CLTC: variants seen among roughly 807,000 people sequenced by gnomAD.
CLTC encodes the protein clathrin heavy chain.
CLTC carries 16 observed loss-of-function variants against 195.8 expected under a neutral mutation model. The ratio of observed to expected loss-of-function variants is 0.08; its 90% CI spans 0.06 to 0.12. The LOEUF (loss-of-function observed/expected upper bound fraction) is 0.12, where lower values mean the gene tolerates loss of function less well. Ranked by LOEUF, CLTC falls within the 10% of genes least tolerant of loss-of-function variation. The pLI is 1.00. For synonymous variants in CLTC, 667 were observed against 689.4 expected (o/e 0.97, Z 0.51); for missense variants, 796 against 2,027.0 (o/e 0.39, Z 11.66).
chr17:59,646,614 A>T (rs1357288562), intron 2 of CLTC, among the ~76,000 whole-genome samples: 1 of 152,176 alleles, frequency 6.6e-6, no homozygotes, highest in East Asian at 1.9e-4. Context: ...ATACCAAATC[A>T]CATTTTGAAC....
chr17:59,679,335 TAAAATGCTATA>T, intron 17 of CLTC, 51 bp from the exon 18 acceptor site: 1 of 1,389,526 alleles, frequency 7.2e-7, no homozygotes, highest in Non-Finnish European at 9.9e-7. Context: ...AAATACCCTC[TAAAATGCTATA>T]AAAAGTCCTT....
intron 1 of CLTC, among the ~76,000 whole-genome samples, chr17:59,628,581 G>C (rs1430925508): frequency 1.3e-5 from 2 of 152,174 alleles, no homozygotes; most frequent in African/African-American, 4.8e-5. Context: ...GATTTCTGGA[G>C]TTCCTCAGTG....
In CLTC at chr17:59,668,763, C is replaced by T. The variant is rs2143561037; in HGVS notation, c.2129-14C>T. On this transcript the variant is annotated splice_polypyrimidine_tract_variant and intron_variant, in intron 13 of 31. Coordinates refer to ENST00000269122, the MANE Select transcript of CLTC (RefSeq NM_004859.4). The stretch of plus-strand genomic sequence containing the variant: ...GTGTGCCTATGCTTAATTGTAATTA[C>T]TTGTTTCTTTAAGGTCTCTTTTATT... The T allele has an allele frequency of 6.3e-7, 1 of 1,578,134 alleles. No individual in the cohort carries two copies. The highest frequency in any genetic ancestry group is 1.4e-5 in the African/African-American group (1 of 72,654).
Position 59,644,258 on chromosome 17 carries a change from T to A in CLTC, c.43-18T>A. 6.2e-7 allele frequency: 1 copy of A among 1,606,954 alleles called. No homozygotes were observed. Among genetic ancestry groups the A allele is most frequent in the Non-Finnish European group, 8.5e-7 (1 of 1,175,754 alleles). On this transcript the variant is annotated intron_variant, in intron 1 of 31. Transcript: ENST00000269122. ...TTGGAATCCACTTGGTAACATGGTTTCTTATTATTTTTTCTAGCTCCAGAA... is the reference window on the plus strand; with the variant it reads ...TTGGAATCCACTTGGTAACATGGTTACTTATTATTTTTTCTAGCTCCAGAA...
intron 14 of CLTC, among the ~76,000 whole-genome samples, chr17:59,671,873 C>G (rs2032855393): frequency 6.6e-6 from 1 of 152,048 alleles, no homozygotes; most frequent in Non-Finnish European, 1.5e-5. Context: ...TCTCAGGTTG[C>G]CTTGTGTAAA....
chr17:59,630,574 C>G (rs544213132), intron 1 of CLTC, among the ~76,000 whole-genome samples: 1 of 152,296 alleles, frequency 6.6e-6, no homozygotes, highest in East Asian at 1.9e-4. Flanking sequence ...AGTCCCTCTC[C>G]CATCCCCCTC....
At chr17:59,673,548 A>T in intron 14 of CLTC, 99 bp from the exon 15 acceptor site, 1 of 826,352 alleles carries the variant, frequency 1.2e-6, no homozygotes, top group Non-Finnish European at 1.9e-6. Context: ...TGTTTGTGTG[A>T]GCCTCTCTTG....
At chr17:59,674,883 A>G in intron 16 of CLTC, 40 bp downstream of exon 16, 2 of 1,581,024 alleles carry the variant, frequency 1.3e-6, no homozygotes, top group Non-Finnish European at 1.7e-6. Context: ...ACTCTTTCTT[A>G]ACATGGCAAT....
chr17:59,660,582 A>C lies in CLTC; in HGVS notation c.1161A>C (p.Ala387=), dbSNP rs1447561368. Residue 387 remains alanine (A), a synonymous_variant, in exon 7 of 32, where the codon GCA becomes GCC. Transcript: ENST00000269122. The part of the protein sequence containing the change: ...YSEAAKVAAN[A]PKGILRTPDT... ...AGGCAGCAAAGGTGGCTGCTAATGC[A>C]CCAAAGGTAAAGAGTTATGAAAATG... 2 of 1,613,954 alleles carry C rather than the reference A, an allele frequency of 1.2e-6. No individual in the cohort carries two copies. The highest frequency in any genetic ancestry group is 1.7e-6 in the Non-Finnish European group (2 of 1,179,806).
At chr17:59,641,624 A>AAG (rs1567937804) in intron 1 of CLTC, among the ~76,000 whole-genome samples, 2 of 151,262 alleles carry the variant, frequency 1.3e-5, no homozygotes, top group African/African-American at 4.9e-5. Context: ...AAAAAAAAAA[A>AAG]AAAGAGTTTG....
At chr17:59,633,946 T>C (rs2031793835) in intron 1 of CLTC, among the ~76,000 whole-genome samples, 1 of 152,216 alleles carries the variant, frequency 6.6e-6, no homozygotes, top group Non-Finnish European at 1.5e-5. Flanking sequence ...TCTTGCTCTG[T>C]CACCCAGGCT....
intron 31 of CLTC, among the ~76,000 whole-genome samples, chr17:59,693,235 C>T (rs552586728): frequency 6.6e-5 from 10 of 152,008 alleles, no homozygotes; most frequent in African/African-American, 1.4e-4. Context: ...GACATGGTGG[C>T]GCACACCCAT....
At position 59,681,419 on chromosome 17, in the gene CLTC, C is replaced by T; in HGVS notation, c.3190C>T (p.Leu1064=). 6.2e-7 allele frequency: 1 copy of T among 1,614,048 alleles called. No individual in the cohort carries two copies. The highest frequency in any genetic ancestry group is 1.3e-5 in the African/African-American group (1 of 75,018). The change falls in exon 20 of 32, where the codon CTG becomes TTG. Residue 1064 remains leucine, a synonymous_variant. Coordinates refer to ENST00000269122, the MANE Select transcript of CLTC (RefSeq NM_004859.4). The surrounding 1 kb of genome is among the most constrained non-coding windows in gnomAD (Gnocchi z 5.0). ...TGCCAATATCGCCATCAGCAATGAG[C>T]TGTTTGAAGAAGCATTTGCCATTTT... ...DIANIAISNE[L]FEEAFAIFRK...
At chr17:59,623,960 G>A (rs1054210780) in intron 1 of CLTC, among the ~76,000 whole-genome samples, 1 of 152,176 alleles carries the variant, frequency 6.6e-6, no homozygotes, top group Non-Finnish European at 1.5e-5. Context: ...TAAGTTTGAA[G>A]ATTTATCTCA....
intron 5 of CLTC, among the ~76,000 whole-genome samples, chr17:59,654,122 C>T (rs891591405): frequency 2.0e-5 from 3 of 152,138 alleles, no homozygotes; most frequent in African/African-American, 7.2e-5. Flanking sequence ...GCCTCAGCCT[C>T]CTCTGTGGCT....
intron 1 of CLTC, among the ~76,000 whole-genome samples, chr17:59,642,461 T>TATA (rs2032066142): frequency 6.6e-6 from 1 of 152,162 alleles, no homozygotes; most frequent in Admixed American, 6.5e-5. Flanking sequence ...TGCTTTTAGG[T>TATA]ATATAGCTCT....
chr17:59,676,916 C>A, intron 16 of CLTC, 38 bp from the exon 17 acceptor site: 1 of 1,394,658 alleles, frequency 7.2e-7, no homozygotes, highest in Non-Finnish European at 1.0e-6. Context: ...ATTTATAATA[C>A]AGTATGTGTG....
chr17:59,638,056 T>C (rs573219274), intron 1 of CLTC, among the ~76,000 whole-genome samples: 3 of 150,480 alleles, frequency 2.0e-5, no homozygotes, highest in Admixed American at 6.6e-5. Flanking sequence ...CTAGTATCAG[T>C]AGTTGAAAGA....
At chr17:59,639,886 C>T (rs1428529590) in intron 1 of CLTC, among the ~76,000 whole-genome samples, 3 of 151,336 alleles carry the variant, frequency 2.0e-5, no homozygotes, top group Admixed American at 6.6e-5. Context: ...ATCACTTGAG[C>T]CTGGGAGGTC....
Sources: gnomAD v4.1 joint callset for allele counts (sites outside exome capture counted in the v4.1 genomes callset) on GRCh38, gnomAD v4.1.1 for gene constraint, Gnocchi (gnomAD v3.1) non-coding constraint, MANE v1.5 for transcripts, NCBI Gene and HGNC (gene_info 2026-07-23, HGNC 2026-07-21) for gene names.